ARHGAP5: variants seen among roughly 807,000 people sequenced by gnomAD.
ARHGAP5 encodes the protein rho GTPase-activating protein 5.
ARHGAP5 carries 23 observed loss-of-function variants against 116.6 expected under a neutral mutation model. The ratio of observed to expected loss-of-function variants is 0.20; its 90% CI spans 0.14 to 0.28. The LOEUF (loss-of-function observed/expected upper bound fraction) is 0.28, where lower values mean the gene tolerates loss of function less well. ARHGAP5 is among the 10% of genes least tolerant of loss of function. The probability of loss-of-function intolerance (pLI) is 1.00; values close to 1 mark genes in which losing one functional copy is unlikely to be tolerated. For missense variants in ARHGAP5, 1,405 were observed against 1,774.8 expected, an observed-to-expected ratio of 0.79 and a Z score of 3.74; for synonymous variants, 574 against 602.0, an observed-to-expected ratio of 0.95 and a Z score of 0.68.
chr14:32,128,237 G>C (rs929917601), intron 3 of ARHGAP5, among the ~76,000 whole-genome samples: 1 of 151,660 alleles, frequency 6.6e-6, no homozygotes, highest in Non-Finnish European at 1.5e-5. Flanking sequence ...CATCCCAGAC[G>C]ATGGGTGGCC....
intron 1 of ARHGAP5, among the ~76,000 whole-genome samples, chr14:32,089,127 A>G (rs2041859425): frequency 6.6e-6 from 1 of 151,958 alleles, no homozygotes; most frequent in South Asian, 2.1e-4. Flanking sequence ...CTAAAATATG[A>G]GAATAAATCT....
intron 2 of ARHGAP5, among the ~76,000 whole-genome samples, chr14:32,100,143 A>T (rs1415206495): frequency 6.6e-6 from 1 of 152,212 alleles, no homozygotes; most frequent in Non-Finnish European, 1.5e-5. Flanking sequence ...AGATTCCACA[A>T]ACTGCAGATT....
intron 2 of ARHGAP5, among the ~76,000 whole-genome samples, chr14:32,100,315 T>G (rs1473012604): frequency 2.0e-5 from 3 of 152,184 alleles, no homozygotes; most frequent in Non-Finnish European, 4.4e-5. Context: ...TCTTCTCGCC[T>G]CAGCCTCCTG....
chr14:32,094,149 G>A lies in ARHGAP5; in HGVS notation c.3480G>A (p.Leu1160=), dbSNP rs762397964. ...PSKYKYKSKT[L]FSKAKSYYRR... is the part of the protein sequence containing the mutation. ...AATACAAATATAAATCTAAAACCTT[G>A]TTTAGTAAAGCCAAGTCATACTATA... The change falls in exon 2 of 7, where the codon TTG becomes TTA. Residue 1160 remains leucine (L), a synonymous_variant. Transcript: ENST00000345122. The A allele has an allele frequency of 2.5e-6, 4 of 1,613,054 alleles. No homozygotes were observed. The highest frequency in any genetic ancestry group is 1.7e-5 in the Admixed American group (1 of 59,806).
intron 3 of ARHGAP5, among the ~76,000 whole-genome samples, chr14:32,136,032 C>G (rs1333530411): frequency 2.6e-5 from 4 of 152,172 alleles, no homozygotes; most frequent in Non-Finnish European, 5.9e-5. Flanking sequence ...TAAGAATGTA[C>G]TTTTAATTCA....
intron 4 of ARHGAP5, among the ~76,000 whole-genome samples, chr14:32,149,285 G>C (rs1456823991): frequency 2.0e-5 from 3 of 151,074 alleles, no homozygotes; most frequent in Non-Finnish European, 2.9e-5. Context: ...TGAGTAGCTG[G>C]GACTACAGGT....
chr14:32,114,092 A>G (rs1406781888), intron 2 of ARHGAP5, among the ~76,000 whole-genome samples: 2 of 152,092 alleles, frequency 1.3e-5, no homozygotes, highest in Admixed American at 1.3e-4. Flanking sequence ...GCTGGGCGTG[A>G]TGGCACACGC....
intron 3 of ARHGAP5, among the ~76,000 whole-genome samples, chr14:32,126,223 T>G (rs990296759): frequency 2.2e-5 from 2 of 90,638 alleles, no homozygotes; most frequent in Admixed American, 8.9e-5. Context: ...CAGCTGTGGG[T>G]TTTTTTTGTT....
intron 3 of ARHGAP5, among the ~76,000 whole-genome samples, chr14:32,118,093 C>T (rs1301193369): frequency 2.6e-5 from 4 of 152,160 alleles, no homozygotes; most frequent in South Asian, 4.1e-4. Context: ...CTCTTGTTCT[C>T]GCTAAAAAAT....
At chr14:32,099,764 C>T (rs1878704075) in intron 2 of ARHGAP5, among the ~76,000 whole-genome samples, 1 of 152,078 alleles carries the variant, frequency 6.6e-6, no homozygotes, top group Admixed American at 6.6e-5. Context: ...ATGTGCTTTG[C>T]TTGAGCCATA....
chr14:32,118,739 T>C (rs1334598065), intron 3 of ARHGAP5, among the ~76,000 whole-genome samples: 1 of 152,214 alleles, frequency 6.6e-6, no homozygotes, highest in Non-Finnish European at 1.5e-5. Flanking sequence ...AGCTTCCTGC[T>C]TTGGATTTAA....
Position 32,093,658 on chromosome 14 carries a change from G to A in ARHGAP5, c.2989G>A (p.Asp997Asn). 6.2e-7 allele frequency: 1 copy of A among 1,613,896 alleles called. No individual in the cohort carries two copies. Among genetic ancestry groups the A allele is most frequent in the Non-Finnish European group, 8.5e-7 (1 of 1,179,908 alleles). ...APPPYSPIGD[D>N]VQLLPTPSDR... ...ACCTCCTTATAGTCCAATTGGGGAT[G>A]ATGTACAGTTGCTTCCAACACCTAG... The change falls in exon 2 of 7, where the codon GAT becomes AAT. Residue 997 changes from aspartate to asparagine, a missense_variant. Transcript: ENST00000345122.
intron 1 of ARHGAP5, among the ~76,000 whole-genome samples, chr14:32,077,974 G>T (rs988831717): frequency 1.3e-5 from 2 of 152,120 alleles, no homozygotes; most frequent in African/African-American, 4.8e-5. Flanking sequence ...CTCCTCCCTG[G>T]GTTCTCTTCA....
At chr14:32,143,265 C>T (rs762240027) in intron 3 of ARHGAP5, among the ~76,000 whole-genome samples, 2 of 148,070 alleles carry the variant, frequency 1.4e-5, no homozygotes, top group African/African-American at 2.6e-5. Context: ...TTATTTGAGA[C>T]GGAGACTTGC....
chr14:32,159,659 C>T lies in ARHGAP5; in HGVS notation c.*4711C>T, dbSNP rs1041721048. The stretch of plus-strand genomic sequence containing the variant: ...TATTTTACCAGCTTTAACTTTGGGG[C>T]TCTTAGTTTCTTTTCTCCAGATTCT... On this transcript the variant is annotated 3_prime_UTR_variant, in exon 7 of 7. Transcript: ENST00000345122. 2.6e-5 allele frequency: 4 copies of T among 152,090 alleles called. No homozygotes were observed. The highest frequency in any genetic ancestry group is 5.9e-5 in the Non-Finnish European group (4 of 68,004). 9.4% of individuals were successfully genotyped at this position (152,090 alleles called of 1,614,324 possible).
chr14:32,141,049 G>C (rs1222028389), intron 3 of ARHGAP5, among the ~76,000 whole-genome samples: 3 of 152,128 alleles, frequency 2.0e-5, no homozygotes, highest in Admixed American at 1.3e-4. Context: ...CCCTGTTACT[G>C]ATGTATAATG....
At chr14:32,094,777 T>C (rs1878439950) in intron 2 of ARHGAP5, among the ~76,000 whole-genome samples, 1 of 152,226 alleles carries the variant, frequency 6.6e-6, no homozygotes, top group South Asian at 2.1e-4. Context: ...TACAATAAAA[T>C]TGTAACAGTT....
chr14:32,153,352 AGCTGAGATCATGC>A (rs1339694279), intron 6 of ARHGAP5, among the ~76,000 whole-genome samples: 1 of 119,338 alleles, frequency 8.4e-6, no homozygotes, highest in African/African-American at 3.1e-5. Context: ...GGTTGCAATG[AGCTGAGATCATGC>A]CATTGCACTT....
chr14:32,106,118 CTATTT>C (rs1666658027), intron 2 of ARHGAP5, among the ~76,000 whole-genome samples: 1 of 152,034 alleles, frequency 6.6e-6, no homozygotes, highest in Admixed American at 6.6e-5. Flanking sequence ...AATGGGTATA[CTATTT>C]TATTTATTTA....
Sources: gnomAD v4.1 joint callset for allele counts (sites outside exome capture counted in the v4.1 genomes callset) on GRCh38, gnomAD v4.1.1 for gene constraint, MANE v1.5 for transcripts, NCBI Gene and HGNC (gene_info 2026-07-23, HGNC 2026-07-21) for gene names.